Variants in DPYD observed in about 807,000 individuals in gnomAD.
The protein encoded by DPYD is dihydropyrimidine dehydrogenase [NADP(+)].
In DPYD, 109 loss-of-function variants were observed where a neutral mutation model predicts 116.2. That is an observed-to-expected ratio of 0.94 (90% confidence interval 0.80 to 1.10). The LOEUF is 1.10. Among genes scored for constraint, DPYD ranks in the 50% least tolerant of loss-of-function variants. The pLI, the probability that DPYD is intolerant of heterozygous loss-of-function variation, is 0.00. For missense variants in DPYD, 1,302 were observed against 1,254.5 expected (o/e 1.04, Z -0.57); for synonymous variants, 440 against 432.0 (o/e 1.02, Z -0.23).
At chr1:97,638,669 G>T (rs1484410879) in intron 8 of DPYD, among the ~76,000 whole-genome samples, 1 of 152,066 alleles carries the variant, frequency 6.6e-6, no homozygotes, top group African/African-American at 2.4e-5. Context: ...TATCTGTTTG[G>T]CTTCTAGTGA....
At chr1:97,493,519 G>A (rs1037286363) in intron 13 of DPYD, among the ~76,000 whole-genome samples, 1 of 152,138 alleles carries the variant, frequency 6.6e-6, no homozygotes, top group African/African-American at 2.4e-5. Flanking sequence ...CCTAATACAG[G>A]ATCTTGCTAG....
At chr1:97,906,375 T>C (rs1673621545) in intron 1 of DPYD, among the ~76,000 whole-genome samples, 2 of 152,096 alleles carry the variant, frequency 1.3e-5, no homozygotes, top group African/African-American at 4.8e-5. Context: ...CAAGTACTTA[T>C]GACTTTCTGT....
chr1:97,725,116 A>G (rs1256306692), intron 4 of DPYD, among the ~76,000 whole-genome samples: 2 of 151,802 alleles, frequency 1.3e-5, no homozygotes, highest in Admixed American at 6.6e-5. Context: ...TACAGGATAC[A>G]AGATTAAAAT....
At chr1:97,631,810 A>G (rs1657277200) in intron 8 of DPYD, among the ~76,000 whole-genome samples, 1 of 151,904 alleles carries the variant, frequency 6.6e-6, no homozygotes, top group African/African-American at 2.4e-5. Context: ...GATATGGGGG[A>G]TAGAGGAGTC....
chr1:97,703,906 T>C (rs1356001486), intron 5 of DPYD, among the ~76,000 whole-genome samples: 2 of 152,166 alleles, frequency 1.3e-5, no homozygotes, highest in African/African-American at 2.4e-5. Flanking sequence ...ACAACCTGTT[T>C]ACAAAATTCC....
At chr1:97,343,279 A>T (rs1328371431) in intron 16 of DPYD, among the ~76,000 whole-genome samples, 1 of 152,130 alleles carries the variant, frequency 6.6e-6, no homozygotes, top group African/African-American at 2.4e-5. Context: ...GTCACAAACA[A>T]AGGTTAATAA....
At chr1:97,289,193 C>G (rs887099772) in intron 18 of DPYD, among the ~76,000 whole-genome samples, 9 of 152,006 alleles carry the variant, frequency 5.9e-5, no homozygotes, top group Non-Finnish European at 8.8e-5. Flanking sequence ...TGGCAATAAT[C>G]AATAGCTTAC....
At position 97,161,722 on chromosome 1, in the gene DPYD, TC is replaced by T. The variant is rs1330777865; in HGVS notation, c.2622+31346del. ...ATCTCCTAATGCTATCCCTCCCCCCTCCCCCCACCCCACAACAGTCCCCAGA... is the reference window on the plus strand; with the variant it reads ...ATCTCCTAATGCTATCCCTCCCCCCTCCCCCACCCCACAACAGTCCCCAGA... On this transcript the variant is annotated intron_variant, in intron 20 of 22. Transcript: ENST00000370192. Among the ~76,000 whole-genome samples, 16 of 53,562 alleles carry T rather than the reference TC, an allele frequency of 3.0e-4. No homozygotes were observed. In the Middle Eastern group the frequency reaches 0.026, roughly 88 times the overall value. The allele number at this position is 53,562 out of a possible 152,430, so 35.1% of individuals were successfully genotyped here.
chr1:97,469,397 C>CAAAAAAAAAAACAAA, intron 13 of DPYD, among the ~76,000 whole-genome samples: 1 of 80,800 alleles, frequency 1.2e-5, no homozygotes, highest in Non-Finnish European at 2.1e-5. Context: ...GCTAAAATTG[C>CAAAAAAAAAAACAAA]AAAAAAAAAA....
At chr1:97,201,639 T>C (rs75215924) in intron 19 of DPYD, among the ~76,000 whole-genome samples, 1,583 of 152,294 alleles carry the variant, frequency 0.01, 16 homozygotes, top group Non-Finnish European at 0.016. Context: ...TATTTGTATA[T>C]TCACATAAAA....
chr1:97,365,368 T>G (rs78413744), intron 16 of DPYD, among the ~76,000 whole-genome samples: 1 of 152,206 alleles, frequency 6.6e-6, no homozygotes, highest in Non-Finnish European at 1.5e-5. Flanking sequence ...TCTGTGACAT[T>G]ACATTACCTG....
rs934165265 is a variant in DPYD, at chr1:97,615,087, A to T, written c.851-19921T>A. ...GATTAAAGTTAGCACACATTTGGAA[A>T]CTTGCATAACACTGCTAAGGTCTCT... On this transcript the variant is annotated intron_variant, in intron 8 of 22. Transcript: ENST00000370192. Among the ~76,000 whole-genome samples, 7 of 152,280 alleles carry T rather than the reference A, an allele frequency of 4.6e-5. No individual in the cohort carries two copies. The East Asian group carries it at 1.4e-3, about 29-fold the overall frequency.
At chr1:97,360,400 C>A (rs1670658079) in intron 16 of DPYD, among the ~76,000 whole-genome samples, 1 of 152,154 alleles carries the variant, frequency 6.6e-6, no homozygotes, top group Non-Finnish European at 1.5e-5. Flanking sequence ...ATCAGTGAGA[C>A]AGAAGGTTAA....
intron 3 of DPYD, among the ~76,000 whole-genome samples, chr1:97,819,918 T>C (rs926949785): frequency 4.6e-5 from 7 of 152,062 alleles, no homozygotes; most frequent in Non-Finnish European, 7.4e-5. Context: ...GTAATATCTA[T>C]ATAATACATA....
chr1:97,295,862 TCA>T lies in DPYD; in HGVS notation c.2299+9395_2299+9396del, dbSNP rs530097581. The T allele has an allele frequency of 1.5e-4, 80 of 523,140 alleles. No individual in the cohort carries two copies. The East Asian group carries it at 8.4e-3, about 55-fold the overall frequency. The allele number at this position is 523,140 out of a possible 1,614,324, so 32.4% of individuals were successfully genotyped here. Reference sequence around the variant, plus strand: ...TAAGTGAAATATGTTAGTGGTTTTCTCACAGAGTATACACACAGAGAGTTACA... The same window carrying T: ...TAAGTGAAATATGTTAGTGGTTTTCTCAGAGTATACACACAGAGAGTTACA... On this transcript the variant is annotated intron_variant, in intron 18 of 22. Transcript: ENST00000370192.
chr1:97,699,247 T>C, intron 6 of DPYD, 104 bp downstream of exon 6: 12 of 1,164,200 alleles, frequency 1.0e-5, no homozygotes, highest in Non-Finnish European at 1.5e-5. Flanking sequence ...TAAAATACCA[T>C]CTGTGAGCCT....
intron 10 of DPYD, among the ~76,000 whole-genome samples, chr1:97,584,436 T>G (rs1232025799): frequency 6.6e-6 from 1 of 152,162 alleles, no homozygotes; most frequent in Non-Finnish European, 1.5e-5. Flanking sequence ...TTGTCAATTT[T>G]GGCTTTTGTT....
At position 97,247,399 on chromosome 1, in the gene DPYD, A is replaced by G. The variant is rs117576003; in HGVS notation, c.2300-12405T>C. ...GCAATCTGGCAACCTCTCTTAACATACCACAAGTCAGCTACTTGCCAAAAA... is the reference window on the plus strand; with the variant it reads ...GCAATCTGGCAACCTCTCTTAACATGCCACAAGTCAGCTACTTGCCAAAAA... On this transcript the variant is annotated intron_variant, in intron 18 of 22. Coordinates refer to ENST00000370192, the MANE Select transcript of DPYD (RefSeq NM_000110.4). Among the ~76,000 whole-genome samples the G allele has an allele frequency of 9.8e-4, 149 of 152,246 alleles. 2 individuals carry two copies. In the East Asian group the frequency reaches 0.023, roughly 23 times the overall value.
intron 3 of DPYD, among the ~76,000 whole-genome samples, chr1:97,805,940 G>A (rs1438739874): frequency 1.3e-5 from 2 of 151,802 alleles, no homozygotes. Flanking sequence ...GGGTTCAGGA[G>A]AAGCATAAAA....
Sources: allele counts gnomAD v4.1 joint callset (sites outside exome capture counted in the v4.1 genomes callset), GRCh38; gene constraint gnomAD v4.1.1; transcripts MANE v1.5; gene names NCBI Gene and HGNC (gene_info 2026-07-23, HGNC 2026-07-21).